The following ANKHD1 variants were observed in gnomAD, a reference collection of about 807,000 sequenced individuals.
ANKHD1 encodes ankyrin repeat and KH domain-containing protein 1.
In ANKHD1, 31 loss-of-function variants were observed where a neutral mutation model predicts 230.5. That is an observed-to-expected ratio of 0.13 (90% CI 0.10 to 0.18). The LOEUF is 0.18. Among genes scored for constraint, ANKHD1 ranks in the 10% least tolerant of loss-of-function variants. ANKHD1 has a pLI of 1.00. For synonymous variants in ANKHD1, 1,074 were observed against 1,117.6 expected (o/e 0.96, Z 0.78); for missense variants, 2,256 against 3,071.3 (o/e 0.73, Z 6.27).
Position 140,496,573 on chromosome 5 carries a change from C to T in ANKHD1, c.2299C>T (p.Pro767Ser), listed in dbSNP as rs759775568. The change falls in exon 15 of 34, where the codon CCA becomes TCA. Residue 767 changes from proline (P) to serine (S), a missense_variant. Pro to Ser is a moderately conservative substitution (Grantham distance 74). Coordinates refer to ENST00000360839, the MANE Select transcript of ANKHD1 (RefSeq NM_017747.3). ...SLQVADQDLL[P>S]SFHPYQPLEC... Reference sequence around the variant, plus strand: ...CCAGGTAGCAGATCAGGACCTACTGCCATCTTTTCACCCATACCAGCCTTT... The same window carrying T: ...CCAGGTAGCAGATCAGGACCTACTGTCATCTTTTCACCCATACCAGCCTTT... 58 of 1,611,268 alleles carry T rather than the reference C, an allele frequency of 3.6e-5. No homozygotes were observed. Among genetic ancestry groups the T allele is most frequent in the Non-Finnish European group, 4.7e-5 (56 of 1,179,648 alleles).
At chr5:140,452,556 A>C (rs953999132) in intron 7 of ANKHD1, among the ~76,000 whole-genome samples, 1 of 152,236 alleles carries the variant, frequency 6.6e-6, no homozygotes, top group Admixed American at 6.5e-5. Flanking sequence ...AACATTTGCT[A>C]TTCAGCAATA....
chr5:140,432,235 A>G (rs1182661083), intron 1 of ANKHD1, among the ~76,000 whole-genome samples: 1 of 152,216 alleles, frequency 6.6e-6, no homozygotes, highest in African/African-American at 2.4e-5. Flanking sequence ...AGACTCACTT[A>G]CAGTCACTCC....
chr5:140,518,634 A>G (rs1459760370), intron 24 of ANKHD1, among the ~76,000 whole-genome samples: 15 of 152,218 alleles, frequency 9.9e-5, no homozygotes, highest in Non-Finnish European at 1.9e-4. Context: ...CTGGTTCAGT[A>G]TACGCAAATC....
rs564561397 is a variant in ANKHD1, at chr5:140,524,415, C to G, written c.4492+175C>G. 2.6e-5 allele frequency among the ~76,000 whole-genome samples: 4 copies of G among 152,208 alleles called. No individual in the cohort carries two copies. In the East Asian group the frequency reaches 7.7e-4, roughly 29 times the overall value. ...AAGTGTTTTGCATTGTAAATTAATG[C>G]AGAGAAACAAGAGGGAAAACAAGCG... On this transcript the variant is annotated intron_variant, in intron 25 of 33. Coordinates refer to ENST00000360839, the MANE Select transcript of ANKHD1 (RefSeq NM_017747.3).
At chr5:140,521,167 A>G (rs1351934276) in intron 24 of ANKHD1, among the ~76,000 whole-genome samples, 3 of 152,182 alleles carry the variant, frequency 2.0e-5, no homozygotes, top group African/African-American at 7.2e-5. Context: ...TAATTAAAGG[A>G]AGAGAAAAAG....
At chr5:140,499,772 C>T (rs1752195103) in intron 15 of ANKHD1, among the ~76,000 whole-genome samples, 2 of 151,932 alleles carry the variant, frequency 1.3e-5, no homozygotes, top group Admixed American at 1.3e-4. Context: ...GCAAGTGATT[C>T]TCAAAGTTCA....
At position 140,528,801 on chromosome 5, in the gene ANKHD1, C is replaced by T. The variant is rs765076543; in HGVS notation, c.5855C>T (p.Thr1952Ile). 3.7e-6 allele frequency: 6 copies of T among 1,614,088 alleles called. No homozygotes were observed. The highest frequency in any genetic ancestry group is 1.3e-5 in the African/African-American group (1 of 75,046). ...AASQQLCVTN[T>I]RTPSSVRKQL... Reference sequence around the variant, plus strand: ...AGTCAGCAACTGTGTGTCACTAATACCCGGACTCCTTCATCAGTCAGAAAG... The same window carrying T: ...AGTCAGCAACTGTGTGTCACTAATATCCGGACTCCTTCATCAGTCAGAAAG... Residue 1952 changes from threonine (T) to isoleucine (I), a missense_variant, in exon 29 of 34, where the codon ACC (threonine) becomes ATC (isoleucine). Transcript: ENST00000360839.
intron 24 of ANKHD1, among the ~76,000 whole-genome samples, chr5:140,523,205 T>TG (rs1185269339): frequency 6.7e-6 from 1 of 150,236 alleles, no homozygotes; most frequent in Non-Finnish European, 1.5e-5. Flanking sequence ...CTCAAACTCC[T>TG]GGGCACATGC....
chr5:140,505,149 A>G lies in ANKHD1; in HGVS notation c.3178A>G (p.Thr1060Ala), dbSNP rs762109474. 2 of 1,614,134 alleles carry G rather than the reference A, an allele frequency of 1.2e-6. No individual in the cohort carries two copies. Reference protein sequence around the residue: ...HTESNHDTALTLACAGGHEEL... With the variant: ...HTESNHDTALALACAGGHEEL... ...TGAGAGCAATCATGACACAGCATTAACACTAGCTTGTGCAGGTGGTCATGA... is the reference window on the plus strand; with the variant it reads ...TGAGAGCAATCATGACACAGCATTAGCACTAGCTTGTGCAGGTGGTCATGA... Residue 1060 changes from threonine (T) to alanine (A), a missense_variant, in exon 17 of 34, where the codon ACA (threonine) becomes GCA (alanine). Thr to Ala is a moderately conservative substitution (Grantham distance 58). This residue lies in a region of ANKHD1 where 63 missense variants were observed against 125.5 expected (regional missense o/e 0.50). Coordinates refer to ENST00000360839, the MANE Select transcript of ANKHD1 (RefSeq NM_017747.3).
intron 2 of ANKHD1, among the ~76,000 whole-genome samples, chr5:140,437,663 G>A (rs1215374537): frequency 1.3e-5 from 2 of 152,206 alleles, no homozygotes; most frequent in Non-Finnish European, 2.9e-5. Flanking sequence ...TTGGGATTGT[G>A]CCACTGCACT....
At chr5:140,525,258 A>G (rs986542359) in intron 25 of ANKHD1, among the ~76,000 whole-genome samples, 2 of 152,078 alleles carry the variant, frequency 1.3e-5, no homozygotes, top group African/African-American at 4.8e-5. Flanking sequence ...ACAAGAGCAA[A>G]GATTTTTTTT....
chr5:140,426,801 C>T (rs1391309683), intron 1 of ANKHD1, among the ~76,000 whole-genome samples: 1 of 152,184 alleles, frequency 6.6e-6, no homozygotes, highest in Non-Finnish European at 1.5e-5. Context: ...TGAGTGGATA[C>T]AGCACATGTT....
chr5:140,402,393 C>T, intron 1 of ANKHD1, 120 bp downstream of exon 1: 1 of 1,327,298 alleles, frequency 7.5e-7, no homozygotes, highest in Non-Finnish European at 9.7e-7. Flanking sequence ...CAGCGGTCGG[C>T]TCCATGGCGG....
At chr5:140,515,887 G>A (rs374716535) in intron 24 of ANKHD1, among the ~76,000 whole-genome samples, 17 of 152,184 alleles carry the variant, frequency 1.1e-4, no homozygotes, top group Non-Finnish European at 2.4e-4. Flanking sequence ...AAAGCAGAGC[G>A]CCTCTCCTCC....
intron 1 of ANKHD1, among the ~76,000 whole-genome samples, chr5:140,415,051 C>A (rs1351292101): frequency 6.6e-6 from 1 of 151,736 alleles, no homozygotes; most frequent in African/African-American, 2.4e-5. Context: ...TTTATTTTGT[C>A]GTATGCTTAT....
Position 140,505,142 on chromosome 5 carries a change from A to G in ANKHD1, c.3171A>G (p.Thr1057=), listed in dbSNP as rs776861509. The G allele has an allele frequency of 6.2e-7, 1 of 1,613,930 alleles. No homozygotes were observed. The highest frequency in any genetic ancestry group is 8.5e-7 in the Non-Finnish European group (1 of 1,179,998). ...IDAHTESNHD[T]ALTLACAGGH... ...CCTAGACTGAGAGCAATCATGACAC[A>G]GCATTAACACTAGCTTGTGCAGGTG... The change falls in exon 17 of 34, where the codon ACA becomes ACG. Residue 1057 remains threonine, a synonymous_variant. Coordinates refer to ENST00000360839, the MANE Select transcript of ANKHD1 (RefSeq NM_017747.3).
chr5:140,528,867 C>T lies in ANKHD1; in HGVS notation c.5921C>T (p.Thr1974Ile), dbSNP rs1237021449. 1 of 1,614,148 alleles carries T rather than the reference C, an allele frequency of 6.2e-7. No individual in the cohort carries two copies. The highest frequency in any genetic ancestry group is 1.7e-5 in the Admixed American group (1 of 60,030). The stretch of plus-strand genomic sequence containing the variant: ...GTGCCTAAGACAAGTCCTCCAGCAA[C>T]AGTGATTTCTTCTGTGACAAGCACT... Reference protein sequence around the residue: ...ACVPKTSPPATVISSVTSTCS... With the variant: ...ACVPKTSPPAIVISSVTSTCS... Residue 1974 changes from threonine (T) to isoleucine (I), a missense_variant, in exon 29 of 34, where the codon ACA (threonine) becomes ATA (isoleucine). Thr to Ile is a moderately conservative substitution (Grantham distance 89). Coordinates refer to ENST00000360839, the MANE Select transcript of ANKHD1 (RefSeq NM_017747.3).
intron 7 of ANKHD1, among the ~76,000 whole-genome samples, chr5:140,452,345 C>T (rs1200395607): frequency 6.6e-6 from 1 of 152,188 alleles, no homozygotes; most frequent in East Asian, 1.9e-4. Context: ...ACTTAAATGT[C>T]CCTGTCTGAC....
chr5:140,531,877 G>GTA (rs1037035895), intron 29 of ANKHD1, among the ~76,000 whole-genome samples: 12 of 152,108 alleles, frequency 7.9e-5, no homozygotes, highest in African/African-American at 2.9e-4. Flanking sequence ...ACAAAATGTG[G>GTA]TATATCTATA....
Sources: allele counts gnomAD v4.1 joint callset (sites outside exome capture counted in the v4.1 genomes callset), GRCh38; gene constraint gnomAD v4.1.1; regional missense constraint gnomAD v4.1.1; transcripts MANE v1.5; gene names NCBI Gene and HGNC (gene_info 2026-07-23, HGNC 2026-07-21).